CHRNA1: variants seen among roughly 807,000 people sequenced by gnomAD.
CHRNA1 encodes cholinergic receptor nicotinic alpha 1 subunit.
Under a neutral mutation model 47.1 loss-of-function variants are expected in CHRNA1, and 35 were observed. The observed-to-expected ratio is 0.74, with a 90% confidence interval of 0.57 to 0.99. CHRNA1 has a LOEUF of 0.99. Among genes scored for constraint, CHRNA1 ranks in the 50% least tolerant of loss-of-function variants. The pLI is 0.00. For synonymous variants in CHRNA1, 229 were observed against 223.6 expected (o/e 1.02, Z -0.22); for missense variants, 506 against 591.1 (o/e 0.86, Z 1.49).
At chr2:174,750,204 A>G in intron 6 of CHRNA1, 35 bp from the exon 7 acceptor site, 2 of 1,527,686 alleles carry the variant, frequency 1.3e-6, no homozygotes, top group Non-Finnish European at 1.8e-6. Flanking sequence ...AAAATCCCAC[A>G]ACTACCCATC....
chr2:174,751,437 A>G (rs567535031), intron 6 of CHRNA1, among the ~76,000 whole-genome samples: 2 of 152,322 alleles, frequency 1.3e-5, no homozygotes, highest in Admixed American at 1.3e-4. Context: ...GCTAGAATAT[A>G]TATAGAATAT....
Position 174,753,569 on chromosome 2 carries a change from C to T in CHRNA1, c.712G>A (p.Val238Ile), listed in dbSNP as rs1414800603. 5 of 1,613,936 alleles carry T rather than the reference C, an allele frequency of 3.1e-6. No individual in the cohort carries two copies. The highest frequency in any genetic ancestry group is 2.2e-5 in the South Asian group (2 of 91,072). ...QRLPLYFIVN[V>I]IIPCLLFSFL... ...GAGAAGAGCAGGCAGGGGATGATGA[C>T]GTTGACGATGAAGTAGAGGGGCAGG... Residue 238 changes from valine (V) to isoleucine (I), a missense_variant, in exon 6 of 9, where the codon GTC becomes ATC. Physicochemically the swap from Val to Ile is conservative, Grantham distance 29. Coordinates refer to ENST00000348749, the MANE Select transcript of CHRNA1 (RefSeq NM_000079.4).
At chr2:174,750,508 C>T (rs1683827640) in intron 6 of CHRNA1, among the ~76,000 whole-genome samples, 1 of 152,074 alleles carries the variant, frequency 6.6e-6, no homozygotes, top group South Asian at 2.1e-4. Context: ...TCTTGGAATT[C>T]CAGTCTCCAG....
In CHRNA1 at chr2:174,757,560, G is replaced by T. The variant is rs1438960872; in HGVS notation, c.344+6C>A. The T allele has an allele frequency of 1.2e-6, 2 of 1,609,478 alleles. No homozygotes were observed. Among genetic ancestry groups the T allele is most frequent in the African/African-American group, 1.3e-5 (1 of 74,776 alleles). ...GCACCCTCCGCCACCCATGCAGTTTGCTCACTTGTTATAGAGAACAAGGTC... is the reference window on the plus strand; with the variant it reads ...GCACCCTCCGCCACCCATGCAGTTTTCTCACTTGTTATAGAGAACAAGGTC... On this transcript the variant is annotated splice_donor_region_variant and intron_variant, in intron 4 of 8. Transcript: ENST00000348749.
chr2:174,753,996 C>A (rs889037006), intron 5 of CHRNA1, among the ~76,000 whole-genome samples: 1 of 152,140 alleles, frequency 6.6e-6, no homozygotes, highest in Non-Finnish European at 1.5e-5. Flanking sequence ...GCCCTACCGC[C>A]ACCCCAGGCC....
intron 1 of CHRNA1, among the ~76,000 whole-genome samples, chr2:174,763,176 T>C (rs1684127759): frequency 6.6e-6 from 1 of 152,234 alleles, no homozygotes; most frequent in African/African-American, 2.4e-5. Context: ...CCTAAATACA[T>C]ATCACATACT....
chr2:174,753,348 C>A, intron 6 of CHRNA1, 155 bp downstream of exon 6: 2 of 826,754 alleles, frequency 2.4e-6, no homozygotes, highest in Non-Finnish European at 4.3e-6. Flanking sequence ...TGACTCTCAC[C>A]ACTGCGCACG....
chr2:174,750,313 T>G (rs1414024958), intron 6 of CHRNA1, 144 bp from the exon 7 acceptor site: 1 of 684,492 alleles, frequency 1.5e-6, no homozygotes, highest in Non-Finnish European at 2.5e-6. Flanking sequence ...ACAGGGACTT[T>G]AAGGAGGTAA....
chr2:174,755,909 C>T (rs1337876235), intron 4 of CHRNA1, among the ~76,000 whole-genome samples: 1 of 152,022 alleles, frequency 6.6e-6, no homozygotes, highest in African/African-American at 2.4e-5. Flanking sequence ...TGGTGGTACA[C>T]ACCAGTAGTA....
chr2:174,758,992 T>C (rs1684038060), intron 3 of CHRNA1, among the ~76,000 whole-genome samples: 1 of 150,810 alleles, frequency 6.6e-6, no homozygotes, highest in Non-Finnish European at 1.5e-5. Context: ...GAAGAGAGAG[T>C]CCTAGGACAG....
intron 6 of CHRNA1, 106 bp downstream of exon 6, chr2:174,753,397 G>A (rs546162718): frequency 1.5e-4 from 161 of 1,099,748 alleles, no homozygotes; most frequent in South Asian, 2.3e-4. Flanking sequence ...ATGATGGTTC[G>A]GGTCGATCTG....
chr2:174,748,685 G>A lies in CHRNA1; in HGVS notation c.1137C>T (p.Pro379=). 1 of 1,614,216 alleles carries A rather than the reference G, an allele frequency of 6.2e-7. No homozygotes were observed. Among genetic ancestry groups the A allele is most frequent in the Non-Finnish European group, 8.5e-7 (1 of 1,180,038 alleles). ...TGATCAGGGGAGAGTGGAAGCCCAT[G>A]GGTGGAGGCCCTGGCTTTCCAGAAA... ...SDISGKPGPP[P]MGFHSPLIKH... Residue 379 remains proline, a synonymous_variant, in exon 8 of 9, where the codon CCC becomes CCT. Coordinates refer to ENST00000348749, the MANE Select transcript of CHRNA1 (RefSeq NM_000079.4).
chr2:174,757,878 A>T, intron 3 of CHRNA1: 1 of 1,031,840 alleles, frequency 9.7e-7, no homozygotes, highest in Non-Finnish European at 1.5e-6. Flanking sequence ...ACACTGTTTC[A>T]AACAACTTAC....
rs67309103 is a variant in CHRNA1 at position 174,750,180 on chromosome 2, C to CAA, written c.779-13_779-12dup. On this transcript the variant is annotated splice_polypyrimidine_tract_variant and intron_variant, in intron 6 of 8. Coordinates refer to ENST00000348749, the MANE Select transcript of CHRNA1 (RefSeq NM_000079.4). ...GAGTCATCTTCTCCCCTGAAAAGAC[C>CAA]AAAAAAAAAAAAAAAAATCCCACAA... The CAA allele has an allele frequency of 1.6e-5, 23 of 1,431,102 alleles. No individual in the cohort carries two copies. Among genetic ancestry groups the CAA allele is most frequent in the African/African-American group, 1.6e-4 (11 of 69,156 alleles). 88.7% of individuals were successfully genotyped at this position (1,431,102 alleles called of 1,614,324 possible).
At chr2:174,756,120 G>T (rs1231987947) in intron 4 of CHRNA1, among the ~76,000 whole-genome samples, 3 of 151,910 alleles carry the variant, frequency 2.0e-5, no homozygotes, top group Non-Finnish European at 2.9e-5. Flanking sequence ...GATGTTTCTT[G>T]GTTTTCAAAT....
At chr2:174,760,869 T>A (rs1054835877) in intron 1 of CHRNA1, among the ~76,000 whole-genome samples, 5 of 152,154 alleles carry the variant, frequency 3.3e-5, no homozygotes, top group African/African-American at 1.2e-4. Flanking sequence ...TTACTACATT[T>A]TCCTTCAGTA....
At chr2:174,758,058 A>T in intron 3 of CHRNA1, 1 of 1,613,962 alleles carries the variant, frequency 6.2e-7, no homozygotes, top group Middle Eastern at 1.7e-4. Flanking sequence ...CCTAGTGTGA[A>T]CGTTTTTCTC....
intron 4 of CHRNA1, among the ~76,000 whole-genome samples, chr2:174,754,982 C>T (rs1165060373): frequency 1.3e-5 from 2 of 149,748 alleles, no homozygotes; most frequent in African/African-American, 5.0e-5. Flanking sequence ...ACCTCCCGGG[C>T]TCAAGCAATT....
At chr2:174,752,754 G>GTT (rs113379404) in intron 6 of CHRNA1, 140 of 148,244 alleles carry the variant, frequency 9.4e-4, no homozygotes, top group Middle Eastern at 6.8e-3. Context: ...AGATTTTGTG[G>GTT]TTTTTTTTTT....
Sources: allele counts gnomAD v4.1 joint callset (sites outside exome capture counted in the v4.1 genomes callset), GRCh38; gene constraint gnomAD v4.1.1; transcripts MANE v1.5; gene names NCBI Gene and HGNC (gene_info 2026-07-23, HGNC 2026-07-21).